The following DST variants were observed in gnomAD, a reference collection of about 807,000 sequenced individuals.
DST encodes dystonin.
DST carries 253 observed loss-of-function variants against 875.2 expected under a neutral mutation model. The ratio of observed to expected loss-of-function variants is 0.29; its 90% CI spans 0.26 to 0.32. The LOEUF (loss-of-function observed/expected upper bound fraction) is 0.32. Among genes scored for constraint, DST ranks in the 10% least tolerant of loss-of-function variants. The pLI, the probability that DST is intolerant of heterozygous loss-of-function variation, is 1.00. For synonymous variants in DST, 3,124 were observed against 3,197.1 expected (o/e 0.98, Z 0.77); for missense variants, 8,287 against 9,111.6 (o/e 0.91, Z 3.68).
chr6:56,794,303 G>C (rs922480965), intron 4 of DST, among the ~76,000 whole-genome samples: 5 of 152,104 alleles, frequency 3.3e-5, no homozygotes, highest in Non-Finnish European at 5.9e-5. Context: ...ATTCAGTTCT[G>C]ATTATACAGA....
intron 2 of DST, among the ~76,000 whole-genome samples, chr6:56,912,268 A>T (rs2127719477): frequency 6.6e-6 from 1 of 152,310 alleles, no homozygotes; most frequent in Non-Finnish European, 1.5e-5. Context: ...CACTGCTAAG[A>T]CATTCCCCAG....
chr6:56,516,140 AGAG>A (rs1269823214), intron 71 of DST, among the ~76,000 whole-genome samples: 1 of 148,216 alleles, frequency 6.7e-6, no homozygotes, highest in Non-Finnish European at 1.5e-5. Context: ...AGGGAGAGAG[AGAG>A]AGAGAAAGAG....
intron 51 of DST, 57 bp downstream of exon 51, chr6:56,573,622 T>G (rs1233522708): frequency 7.6e-7 from 1 of 1,314,984 alleles, no homozygotes; most frequent in Admixed American, 1.8e-5. Context: ...CACTTTGAGC[T>G]TATAAAACTG....
chr6:56,662,866 T>G (rs2099052128), intron 10 of DST, among the ~76,000 whole-genome samples: 1 of 152,082 alleles, frequency 6.6e-6, no homozygotes. Flanking sequence ...GGAGAATTGC[T>G]TGAACCCGGG....
chr6:56,952,518 CTTTAA>C (rs1432089325), intron 2 of DST, among the ~76,000 whole-genome samples: 1 of 152,154 alleles, frequency 6.6e-6, no homozygotes, highest in Non-Finnish European at 1.5e-5. Context: ...TTTCCATAAA[CTTTAA>C]TTAAGTAATT....
Position 56,542,428 on chromosome 6 carries a change from T to TAAAAAAAAAAAA in DST, c.16609-5500_16609-5489dup, listed in dbSNP as rs60688419. ...AGCATGGTGTACTACTAAGCTTCTTTAAAAAAAAAAAAAAAAAAAAAAAAA... is the reference window on the plus strand; with the variant it reads ...AGCATGGTGTACTACTAAGCTTCTTTAAAAAAAAAAAAAAAAAAAAAAAAAAAAAAAAAAAAA... On this transcript the variant is annotated intron_variant, in intron 61 of 103. Coordinates refer to ENST00000680361, the MANE Select transcript of DST (RefSeq NM_001374736.1). 2.3e-4 allele frequency: 16 copies of TAAAAAAAAAAAA among 68,086 alleles called. 1 individual carries two copies. Among genetic ancestry groups the TAAAAAAAAAAAA allele is most frequent in the African/African-American group, 1.0e-3 (16 of 15,328 alleles). 4.2% of individuals were successfully genotyped at this position (68,086 alleles called of 1,614,324 possible).
intron 4 of DST, among the ~76,000 whole-genome samples, chr6:56,769,148 C>G (rs1165268915): frequency 1.3e-5 from 2 of 152,130 alleles, no homozygotes; most frequent in Non-Finnish European, 2.9e-5. Context: ...TCTGAACAGA[C>G]AGTTTACTAA....
chr6:56,542,754 C>A (rs1389474970), intron 61 of DST: 1 of 152,350 alleles, frequency 6.6e-6, no homozygotes, highest in East Asian at 1.9e-4. Context: ...GCCGGGCAGG[C>A]ATGCTCTCCA....
chr6:56,732,767 A>T (rs1381273807), intron 5 of DST, among the ~76,000 whole-genome samples: 2 of 152,228 alleles, frequency 1.3e-5, no homozygotes, highest in Non-Finnish European at 2.9e-5. Context: ...ACAATAAGTT[A>T]AGAAAAGTAA....
intron 10 of DST, among the ~76,000 whole-genome samples, chr6:56,668,624 C>T (rs1228777426): frequency 6.6e-6 from 1 of 151,528 alleles, no homozygotes; most frequent in Admixed American, 6.6e-5. Context: ...AAAAATTAGC[C>T]GGGAGTGGTG....
At chr6:56,683,184 C>T (rs776666386) in intron 9 of DST, among the ~76,000 whole-genome samples, 5 of 152,172 alleles carry the variant, frequency 3.3e-5, no homozygotes, top group Non-Finnish European at 7.3e-5. Flanking sequence ...CCACTATCAA[C>T]TTGAGTCAAG....
chr6:56,458,851 G>A lies in DST; in HGVS notation c.*154C>T. Reference sequence around the variant, plus strand: ...AATATCTGACAAAAAAAATTATACAGATAAAATAAAAAGACAAATACACAA... The same window carrying A: ...AATATCTGACAAAAAAAATTATACAAATAAAATAAAAAGACAAATACACAA... On this transcript the variant is annotated 3_prime_UTR_variant, in exon 104 of 104. Transcript: ENST00000680361. 1 of 831,982 alleles carries A rather than the reference G, an allele frequency of 1.2e-6. No homozygotes were observed. Among genetic ancestry groups the A allele is most frequent in the Non-Finnish European group, 1.7e-6 (1 of 579,296 alleles). The allele number at this position is 831,982 out of a possible 1,614,324, so 51.5% of individuals were successfully genotyped here. A position where few individuals can be genotyped will look rare whatever the true frequency, so the allele number is the denominator to read the frequency against.
chr6:56,685,414 CG>C (rs1317606171), intron 9 of DST, among the ~76,000 whole-genome samples: 1 of 152,074 alleles, frequency 6.6e-6, no homozygotes, highest in African/African-American at 2.4e-5. Flanking sequence ...TCAATATCAC[CG>C]ATCATTAAAG....
intron 61 of DST, among the ~76,000 whole-genome samples, chr6:56,542,303 T>C (rs1488040572): frequency 6.6e-6 from 1 of 151,258 alleles, no homozygotes; most frequent in Non-Finnish European, 1.5e-5. Context: ...TTAAGCTTCT[T>C]CAATGCTATT....
intron 61 of DST, among the ~76,000 whole-genome samples, chr6:56,542,329 G>A (rs2097140981): frequency 7.2e-6 from 1 of 138,894 alleles, no homozygotes; most frequent in African/African-American, 2.7e-5. Context: ...CTACTCAAAG[G>A]AAGAAAGAAA....
chr6:56,667,084 A>AT (rs1196157008), intron 10 of DST, among the ~76,000 whole-genome samples: 1 of 152,096 alleles, frequency 6.6e-6, no homozygotes, highest in African/African-American at 2.4e-5. Flanking sequence ...TAATTTTTAA[A>AT]TTTTTTGTAG....
chr6:56,497,944 T>C lies in DST; in HGVS notation c.20006A>G (p.Asn6669Ser), dbSNP rs774652596. The C allele has an allele frequency of 6.2e-7, 1 of 1,613,524 alleles. No individual in the cohort carries two copies. The highest frequency in any genetic ancestry group is 8.5e-7 in the Non-Finnish European group (1 of 1,179,622). The change falls in exon 81 of 104, where the codon AAC (asparagine) becomes AGC (serine). Residue 6669 changes from asparagine (N) to serine (S), a missense_variant. Transcript: ENST00000680361. ...SAGEEASNLQ[N>S]KLEVLNQRWQ... is the part of the protein sequence containing the mutation. ...GCGTTGATTTAAAACCTCTAGCTTG[T>C]TCTGAAGGTTGCTTGCTTCTTCTCC...
chr6:56,529,373 T>C (rs1254804923), intron 66 of DST, 75 bp downstream of exon 66: 3 of 1,186,084 alleles, frequency 2.5e-6, no homozygotes, highest in Non-Finnish European at 3.3e-6. Context: ...AACATAAAAT[T>C]GTACAGAAAT....
chr6:56,458,803 A>T lies in DST; in HGVS notation c.*202T>A. The T allele has an allele frequency of 1.8e-6, 1 of 540,908 alleles. No homozygotes were observed. The highest frequency in any genetic ancestry group is 3.1e-6 in the Non-Finnish European group (1 of 325,880). The allele number at this position is 540,908 out of a possible 1,614,324, so 33.5% of individuals were successfully genotyped here. Reference sequence around the variant, plus strand: ...TTCATGTTAAACTTTTCCTCCTCACATATGATGTGACTTTAACCCCAGAAT... The same window carrying T: ...TTCATGTTAAACTTTTCCTCCTCACTTATGATGTGACTTTAACCCCAGAAT... On this transcript the variant is annotated 3_prime_UTR_variant, in exon 104 of 104. Coordinates refer to ENST00000680361, the MANE Select transcript of DST (RefSeq NM_001374736.1).
Sources: allele counts gnomAD v4.1 joint callset (sites outside exome capture counted in the v4.1 genomes callset), GRCh38; gene constraint gnomAD v4.1.1; transcripts MANE v1.5; gene names NCBI Gene and HGNC (gene_info 2026-07-23, HGNC 2026-07-21).